The following TAB2 variants were observed in gnomAD, a reference collection of about 807,000 sequenced individuals.
TAB2 encodes the protein TGF-beta-activated kinase 1 and MAP3K7-binding protein 2.
In TAB2, 3 loss-of-function variants were observed where a neutral mutation model predicts 65.0. The observed-to-expected ratio is 0.05, with a 90% CI of 0.02 to 0.12. The LOEUF is 0.12. Among genes scored for constraint, TAB2 ranks in the 10% least tolerant of loss-of-function variants. The pLI is 1.00. For missense variants in TAB2, 623 were observed against 840.3 expected, an observed-to-expected ratio of 0.74 and a Z score of 3.20; for synonymous variants, 298 against 285.1, an observed-to-expected ratio of 1.05 and a Z score of -0.46.
intron 1 of TAB2, among the ~76,000 whole-genome samples, chr6:149,256,837 T>C (rs1045832222): frequency 3.9e-5 from 6 of 152,216 alleles, no homozygotes; most frequent in Non-Finnish European, 7.3e-5. Context: ...TACATGCTAC[T>C]GAAGGATTTC....
chr6:149,377,143 C>T (rs193226214), intron 2 of TAB2, among the ~76,000 whole-genome samples: 1 of 150,330 alleles, frequency 6.7e-6, no homozygotes, highest in South Asian at 2.1e-4. Context: ...AGTCTCGGCT[C>T]ACTGCAAGCT....
At chr6:149,222,711 A>G (rs1777178370) in intron 1 of TAB2, among the ~76,000 whole-genome samples, 1 of 152,022 alleles carries the variant, frequency 6.6e-6, no homozygotes, top group Non-Finnish European at 1.5e-5. Flanking sequence ...ACTATATAAC[A>G]ATTACTCCCT....
chr6:149,315,013 C>A, upstream of TAB2, among the ~76,000 whole-genome samples: 1 of 152,136 alleles, frequency 6.6e-6, no homozygotes, highest in African/African-American at 2.4e-5. Context: ...ACCAAATACA[C>A]AAAGACTCCT....
At chr6:149,386,982 G>T (rs1044031666) in intron 3 of TAB2, among the ~76,000 whole-genome samples, 4 of 152,086 alleles carry the variant, frequency 2.6e-5, no homozygotes, top group African/African-American at 9.7e-5. Context: ...TTGTTAAGTT[G>T]TATGAGTTCT....
At chr6:149,354,062 T>C (rs1049094411) in intron 1 of TAB2, among the ~76,000 whole-genome samples, 4 of 152,216 alleles carry the variant, frequency 2.6e-5, no homozygotes, top group South Asian at 2.1e-4. Context: ...TTCTCTACAA[T>C]GTCCTTTACT....
At chr6:149,344,808 T>G (rs1208058801) in intron 1 of TAB2, among the ~76,000 whole-genome samples, 1 of 151,928 alleles carries the variant, frequency 6.6e-6, no homozygotes, top group Non-Finnish European at 1.5e-5. Flanking sequence ...GTGCAAAGAG[T>G]TTTACCTGCA....
intron 1 of TAB2, among the ~76,000 whole-genome samples, chr6:149,250,664 A>G (rs1033885586): frequency 3.9e-5 from 6 of 152,282 alleles, no homozygotes; most frequent in Admixed American, 1.3e-4. Flanking sequence ...CAGAAAAGAG[A>G]TTACTCAAGA....
At chr6:149,390,549 T>C (rs1781950062) in intron 3 of TAB2, among the ~76,000 whole-genome samples, 1 of 152,216 alleles carries the variant, frequency 6.6e-6, no homozygotes, top group Admixed American at 6.5e-5. Context: ...TCAAGAGTGT[T>C]TTTTAAATTT....
chr6:149,400,232 G>T lies in TAB2; in HGVS notation c.1939+1048G>T, dbSNP rs573295701. 5.4e-6 allele frequency: 4 copies of T among 741,432 alleles called. No individual in the cohort carries two copies. The East Asian group carries it at 8.1e-5, about 15-fold the overall frequency. 45.9% of individuals were successfully genotyped at this position (741,432 alleles called of 1,614,324 possible). A position where few individuals can be genotyped will look rare whatever the true frequency, so the allele number is the denominator to read the frequency against. On this transcript the variant is annotated intron_variant, in intron 6 of 6. Coordinates refer to ENST00000637181, the MANE Select transcript of TAB2 (RefSeq NM_001292034.3). ...GGAGGCCCCAACAGCTCGTGCTGGC[G>T]CACACAGCGGGAGGGGAGGGAGCCC...
At chr6:149,358,245 C>A (rs1294340716) in intron 1 of TAB2, among the ~76,000 whole-genome samples, 2 of 152,168 alleles carry the variant, frequency 1.3e-5, no homozygotes, top group Non-Finnish European at 2.9e-5. Flanking sequence ...AGACCCACAT[C>A]TAAACACGAT....
intron 1 of TAB2, among the ~76,000 whole-genome samples, chr6:149,230,416 G>A (rs922791023): frequency 2.0e-5 from 3 of 152,288 alleles, no homozygotes; most frequent in South Asian, 4.1e-4. Flanking sequence ...TTTATGCCCA[G>A]TAAGTCCACG....
intron 1 of TAB2, among the ~76,000 whole-genome samples, chr6:149,266,494 T>C (rs1778267744): frequency 6.6e-6 from 1 of 152,214 alleles, no homozygotes; most frequent in South Asian, 2.1e-4. Context: ...TTTGGGTCCC[T>C]GTGTAGGCTT....
intron 1 of TAB2, chr6:149,347,231 C>T (rs1203358468): frequency 6.6e-6 from 1 of 152,214 alleles, no homozygotes; most frequent in African/African-American, 2.4e-5. Flanking sequence ...CCGACTTGCA[C>T]ATTCCTTTTA....
At chr6:149,366,076 C>T (rs551965467) in intron 1 of TAB2, among the ~76,000 whole-genome samples, 8 of 152,224 alleles carry the variant, frequency 5.3e-5, no homozygotes, top group African/African-American at 1.9e-4. Context: ...GCAGCTGGCT[C>T]ATCTTGGGCT....
At position 149,378,106 on chromosome 6, in the gene TAB2, A is replaced by G. The variant is rs1781465464; in HGVS notation, c.191A>G (p.Asp64Gly). ...GGTGAAGGAGACTTGAATTTTTCAG[A>G]TGATTCTGGAATTTCTGGTCTACGC... is the stretch of plus-strand genomic sequence containing the variant. ...LYGEGDLNFSDDSGISGLRNH... is the reference protein window; with the variant it reads ...LYGEGDLNFSGDSGISGLRNH... The change falls in exon 3 of 7, where the codon GAT becomes GGT. Residue 64 changes from aspartate (D) to glycine (G), a missense_variant. By Grantham distance (94) the Asp-to-Gly change is moderately conservative. This residue lies in a region of TAB2 where 550 missense variants were observed against 665.7 expected (regional missense o/e 0.83). Coordinates refer to ENST00000637181, the MANE Select transcript of TAB2 (RefSeq NM_001292034.3). The G allele has an allele frequency of 1.9e-6, 3 of 1,614,182 alleles. No individual in the cohort carries two copies. The highest frequency in any genetic ancestry group is 2.5e-6 in the Non-Finnish European group (3 of 1,180,030).
chr6:149,357,430 A>AAAAAAAACACACACAC, intron 1 of TAB2, among the ~76,000 whole-genome samples: 17 of 111,178 alleles, frequency 1.5e-4, no homozygotes, highest in African/African-American at 4.1e-4. Context: ...AGAAAAAAAA[A>AAAAAAAACACACACAC]ACACACACAC....
chr6:149,270,839 T>C (rs895655761), intron 1 of TAB2, among the ~76,000 whole-genome samples: 1 of 152,106 alleles, frequency 6.6e-6, no homozygotes, highest in Non-Finnish European at 1.5e-5. Flanking sequence ...AGAGGAAGTG[T>C]ATCACATAAA....
chr6:149,242,961 AC>A (rs1777630917), intron 1 of TAB2, among the ~76,000 whole-genome samples: 1 of 152,190 alleles, frequency 6.6e-6, no homozygotes, highest in African/African-American at 2.4e-5. Flanking sequence ...CTTGCTATAA[AC>A]TGAAATTCCC....
intron 1 of TAB2, among the ~76,000 whole-genome samples, chr6:149,351,526 G>A (rs188809941): frequency 1.3e-5 from 2 of 152,280 alleles, no homozygotes; most frequent in African/African-American, 4.8e-5. Context: ...TGAAATGATA[G>A]TATTGATATT....
Sources: allele counts gnomAD v4.1 joint callset (sites outside exome capture counted in the v4.1 genomes callset), GRCh38; gene constraint gnomAD v4.1.1; regional missense constraint gnomAD v4.1.1; transcripts MANE v1.5; gene names NCBI Gene and HGNC (gene_info 2026-07-23, HGNC 2026-07-21).